Variants in ZNF248 observed in about 807,000 individuals in gnomAD.
ZNF248 encodes the protein zinc finger protein 248.
In ZNF248, 20 loss-of-function variants were observed where a neutral mutation model predicts 44.3. The observed-to-expected ratio is 0.45, with a 90% CI of 0.32 to 0.66. The LOEUF is 0.66. Ranked by LOEUF, ZNF248 falls within the 30% of genes least tolerant of loss-of-function variation. The probability of loss-of-function intolerance (pLI) is 0.04; values close to 1 mark genes in which losing one functional copy is unlikely to be tolerated. For synonymous variants in ZNF248, 224 were observed against 229.0 expected (o/e 0.98, Z 0.20); for missense variants, 654 against 677.0 (o/e 0.97, Z 0.38).
At chr10:37,804,790 T>C (rs954386325) in intron 6 of ZNF248, among the ~76,000 whole-genome samples, 1 of 152,222 alleles carries the variant, frequency 6.6e-6, no homozygotes, top group Non-Finnish European at 1.5e-5. Flanking sequence ...TATCAAATCA[T>C]TGACGAAGTT....
intron 6 of ZNF248, among the ~76,000 whole-genome samples, chr10:37,804,470 G>A (rs1407448900): frequency 6.6e-6 from 1 of 151,928 alleles, no homozygotes; most frequent in Non-Finnish European, 1.5e-5. Context: ...GTCTCACTCT[G>A]TCACCCAGAC....
downstream of ZNF248, among the ~76,000 whole-genome samples, chr10:37,825,287 GTAAT>G (rs1220965151): frequency 1.3e-5 from 2 of 151,906 alleles, no homozygotes; most frequent in African/African-American, 4.8e-5. Context: ...AAAGTGAAGG[GTAAT>G]TATTTTTAAA....
chr10:37,793,659 A>G (rs1015178241), intron 6 of ZNF248, among the ~76,000 whole-genome samples: 1 of 152,188 alleles, frequency 6.6e-6, no homozygotes, highest in East Asian at 1.9e-4. Flanking sequence ...ATGCAAATCC[A>G]ATATGTGCAT....
chr10:37,831,823 T>C lies in ZNF248; in HGVS notation c.1532A>G (p.Gln511Arg). The C allele has an allele frequency of 6.2e-7, 1 of 1,613,532 alleles. No homozygotes were observed. The highest frequency in any genetic ancestry group is 8.5e-7 in the Non-Finnish European group (1 of 1,179,544). ...TGGTTTCTCCCCAGTGTGAGTTCTTTGATGTACAATGAGGTTTGACTTCAC... is the reference window on the plus strand; with the variant it reads ...TGGTTTCTCCCCAGTGTGAGTTCTTCGATGTACAATGAGGTTTGACTTCAC... ...FCVKSNLIVH[Q>R]RTHTGEKPYK... Residue 511 changes from glutamine to arginine, a missense_variant, in exon 6 of 6, where the codon CAA becomes CGA. Transcript: ENST00000395867.
the ZNF248 span, among the ~76,000 whole-genome samples, chr10:37,763,505 C>A: frequency 9.7e-4 from 148 of 152,290 alleles, 1 homozygote; most frequent in African/African-American, 3.4e-3. Context: ...GTCCCACAGG[C>A]CTTTGGCTAC....
intron 5 of ZNF248, among the ~76,000 whole-genome samples, chr10:37,834,592 C>G (rs1482858977): frequency 6.6e-6 from 1 of 151,992 alleles, no homozygotes; most frequent in East Asian, 1.9e-4. Flanking sequence ...AATCTCAATG[C>G]AAAAAGAAAC....
At chr10:37,815,271 G>T (rs949209779) in intron 6 of ZNF248, among the ~76,000 whole-genome samples, 2 of 151,074 alleles carry the variant, frequency 1.3e-5, no homozygotes, top group African/African-American at 4.8e-5. Flanking sequence ...CACCATGTTG[G>T]CCAGGCTAGT....
At chr10:37,768,099 A>T in the ZNF248 span, among the ~76,000 whole-genome samples, 1 of 152,214 alleles carries the variant, frequency 6.6e-6, no homozygotes, top group Non-Finnish European at 1.5e-5. Flanking sequence ...GTATGCACCC[A>T]ATACAGGAGC....
At position 37,832,018 on chromosome 10, in the gene ZNF248, C is replaced by G; in HGVS notation, c.1337G>C (p.Cys446Ser). 1 of 1,614,068 alleles carries G rather than the reference C, an allele frequency of 6.2e-7. No homozygotes were observed. The highest frequency in any genetic ancestry group is 8.5e-7 in the Non-Finnish European group (1 of 1,179,938). Residue 446 changes from cysteine (C) to serine (S), a missense_variant, in exon 6 of 6, where the codon TGT (cysteine) becomes TCT (serine). By Grantham distance (112) the Cys-to-Ser change is moderately radical. Coordinates refer to ENST00000395867, the MANE Select transcript of ZNF248 (RefSeq NM_021045.3). ...YECKQCGKTF[C>S]VKSNLTEHQR... ...ATGTTCAGTGAGGTTTGACTTCACA[C>G]AGAATGTTTTTCCACATTGCTTACA... is the stretch of plus-strand genomic sequence containing the variant.
At chr10:37,784,833 G>T (rs987914726) in intron 6 of ZNF248, among the ~76,000 whole-genome samples, 1 of 152,128 alleles carries the variant, frequency 6.6e-6, no homozygotes, top group Non-Finnish European at 1.5e-5. Context: ...ATAAGTGTTT[G>T]GTAGAGGTTG....
At chr10:37,788,834 T>TA (rs2048182794) in intron 6 of ZNF248, among the ~76,000 whole-genome samples, 1 of 151,944 alleles carries the variant, frequency 6.6e-6, no homozygotes, top group South Asian at 2.1e-4. Flanking sequence ...TAAAAGGAGT[T>TA]AGACATACAA....
downstream of ZNF248, among the ~76,000 whole-genome samples, chr10:37,824,788 TCTC>T (rs1158963325): frequency 2.9e-5 from 4 of 140,102 alleles, no homozygotes; most frequent in Non-Finnish European, 6.1e-5. Context: ...TTCACACCAT[TCTC>T]CTGCCTCAGC....
intron 5 of ZNF248, among the ~76,000 whole-genome samples, chr10:37,836,701 A>G (rs920524475): frequency 1.3e-5 from 2 of 151,888 alleles, no homozygotes; most frequent in Non-Finnish European, 2.9e-5. Flanking sequence ...GACCCAACAC[A>G]GTGTGTGTGT....
At chr10:37,811,432 AT>A (rs1382152624) in intron 6 of ZNF248, among the ~76,000 whole-genome samples, 6 of 151,960 alleles carry the variant, frequency 3.9e-5, no homozygotes, top group South Asian at 4.1e-4. Context: ...GAGCAAAAAA[AT>A]AAATAAATAA....
the ZNF248 span, among the ~76,000 whole-genome samples, chr10:37,769,630 A>G: frequency 6.6e-6 from 1 of 152,204 alleles, no homozygotes; most frequent in Non-Finnish European, 1.5e-5. Flanking sequence ...TCTCAAAATA[A>G]TAAGAGCTAT....
intron 6 of ZNF248, among the ~76,000 whole-genome samples, chr10:37,810,681 CTATTT>C (rs1238153747): frequency 6.6e-6 from 1 of 152,068 alleles, no homozygotes; most frequent in Non-Finnish European, 1.5e-5. Context: ...AGATACTAGT[CTATTT>C]TATCATTTAC....
rs894297163 is a variant in ZNF248, at chr10:37,848,747, A to T, written c.15+7549T>A. 2.0e-5 allele frequency among the ~76,000 whole-genome samples: 3 copies of T among 152,208 alleles called. No individual in the cohort carries two copies. In the South Asian group the frequency reaches 6.2e-4, roughly 31 times the overall value. On this transcript the variant is annotated intron_variant, in intron 3 of 5. Transcript: ENST00000395867. Reference sequence around the variant, plus strand: ...GCTTGGAGATGTTCTAGGTTCTGGCAGGAAACCTGCTGGATTTCTTACCTA... The same window carrying T: ...GCTTGGAGATGTTCTAGGTTCTGGCTGGAAACCTGCTGGATTTCTTACCTA...
At chr10:37,836,557 C>G (rs892769421) in intron 5 of ZNF248, among the ~76,000 whole-genome samples, 1 of 152,142 alleles carries the variant, frequency 6.6e-6, no homozygotes, top group African/African-American at 2.4e-5. Flanking sequence ...ACATAGCTCA[C>G]ACTTTCATAT....
chr10:37,790,789 G>A (rs1242649884), intron 6 of ZNF248, among the ~76,000 whole-genome samples: 2 of 150,622 alleles, frequency 1.3e-5, no homozygotes, highest in East Asian at 1.9e-4. Context: ...GTGTGAGTGT[G>A]CACTCCTGTA....
Sources: allele counts gnomAD v4.1 joint callset (sites outside exome capture counted in the v4.1 genomes callset), GRCh38; gene constraint gnomAD v4.1.1; transcripts MANE v1.5; gene names NCBI Gene and HGNC (gene_info 2026-07-23, HGNC 2026-07-21).